The following LINGO2 variants were observed in gnomAD, a reference collection of about 807,000 sequenced individuals.
LINGO2 encodes the protein leucine-rich repeat and immunoglobulin-like domain-containing nogo receptor-interacting protein 2.
LINGO2 carries 14 observed loss-of-function variants against 30.6 expected under a neutral mutation model. That is an observed-to-expected ratio of 0.46 (90% CI 0.30 to 0.72). The LOEUF (loss-of-function observed/expected upper bound fraction) is 0.72. Among genes scored for constraint, LINGO2 ranks in the 30% least tolerant of loss-of-function variants. The pLI is 0.07. For missense variants in LINGO2, 729 were observed against 751.7 expected (o/e 0.97, Z 0.35); for synonymous variants, 317 against 288.5 (o/e 1.10, Z -1.00).
chr9:29,008,836 G>T, the LINGO2 span, among the ~76,000 whole-genome samples: 6 of 152,014 alleles, frequency 3.9e-5, no homozygotes, highest in Non-Finnish European at 8.8e-5. Flanking sequence ...TATCCACCAT[G>T]ATCAAGTTGG....
chr9:28,022,706 G>T (rs1823191576), intron 4 of LINGO2, among the ~76,000 whole-genome samples: 1 of 151,532 alleles, frequency 6.6e-6, no homozygotes, highest in Non-Finnish European at 1.5e-5. Context: ...GGTGTTTGCT[G>T]AACTTCTTGG....
the LINGO2 span, among the ~76,000 whole-genome samples, chr9:29,071,349 G>A: frequency 6.6e-6 from 1 of 150,604 alleles, no homozygotes; most frequent in East Asian, 1.9e-4. Flanking sequence ...ATAACACCAT[G>A]CCTGGCAAAA....
the LINGO2 span, among the ~76,000 whole-genome samples, chr9:29,061,645 T>C: frequency 6.6e-6 from 1 of 151,968 alleles, no homozygotes. Context: ...AAGAATAAGT[T>C]TGGACCCTTA....
intron 2 of LINGO2, among the ~76,000 whole-genome samples, chr9:28,394,375 C>G (rs1821960233): frequency 1.3e-5 from 2 of 152,068 alleles, no homozygotes; most frequent in South Asian, 2.1e-4. Context: ...TTCCATCATC[C>G]AAACAGAATC....
the LINGO2 span, among the ~76,000 whole-genome samples, chr9:28,869,387 T>G: frequency 1.3e-5 from 2 of 151,978 alleles, no homozygotes; most frequent in African/African-American, 4.8e-5. Context: ...AAGCCTGACT[T>G]CTATAGAGGG....
chr9:28,135,772 T>A (rs529417081), intron 4 of LINGO2, among the ~76,000 whole-genome samples: 1 of 152,312 alleles, frequency 6.6e-6, no homozygotes, highest in East Asian at 1.9e-4. Flanking sequence ...GAATGTATTG[T>A]CATAAAATGC....
rs58629857 is a variant in LINGO2, at chr9:28,526,055, C to CAAAAAAAAAA, written c.-364-50040_-364-50031dup. Among the ~76,000 whole-genome samples, 123 of 48,504 alleles carry CAAAAAAAAAA rather than the reference C, an allele frequency of 2.5e-3. 26 individuals carry two copies. The East Asian group carries it at 0.036, about 14-fold the overall frequency. The allele number at this position is 48,504 out of a possible 152,430, so 31.8% of individuals were successfully genotyped here. A position where few individuals can be genotyped will look rare whatever the true frequency, so the allele number is the denominator to read the frequency against. On this transcript the variant is annotated intron_variant, in intron 1 of 5. Coordinates refer to ENST00000379992, the Ensembl canonical transcript of LINGO2. ...TGGGTGACAGAGCGAGACTCCGTCT[C>CAAAAAAAAAA]AAAAAAAAAAAAAAAAAAAAAGCCA...
At position 28,598,273 on chromosome 9, in the gene LINGO2, C is replaced by A. The variant is rs533799438; in HGVS notation, c.-365+71927G>T. Among the ~76,000 whole-genome samples, 26 of 152,126 alleles carry A rather than the reference C, an allele frequency of 1.7e-4. No individual in the cohort carries two copies. In the East Asian group the frequency reaches 4.6e-3, roughly 27 times the overall value. On this transcript the variant is annotated intron_variant, in intron 1 of 5. Coordinates refer to ENST00000379992, the Ensembl canonical transcript of LINGO2. The stretch of plus-strand genomic sequence containing the variant: ...AAATGCAAGCAAAAGTTCTTATATA[C>A]ATCTTACACTCATTCATACTTTTGT...
chr9:28,582,806 A>T (rs895491403), intron 1 of LINGO2, among the ~76,000 whole-genome samples: 2 of 152,056 alleles, frequency 1.3e-5, no homozygotes, highest in African/African-American at 4.8e-5. Flanking sequence ...ATTACTTCAA[A>T]CATTTGCGAA....
At chr9:28,958,082 T>C in the LINGO2 span, among the ~76,000 whole-genome samples, 1 of 152,182 alleles carries the variant, frequency 6.6e-6, no homozygotes, top group Non-Finnish European at 1.5e-5. Flanking sequence ...TTAATGATGC[T>C]CCTTCATTGC....
intron 1 of LINGO2, among the ~76,000 whole-genome samples, chr9:28,580,287 G>A (rs559265032): frequency 6.6e-6 from 1 of 152,008 alleles, no homozygotes; most frequent in African/African-American, 2.4e-5. Flanking sequence ...TTAGCTATAA[G>A]AAAAAGCCAC....
At chr9:28,402,618 C>T (rs1291457502) in intron 2 of LINGO2, among the ~76,000 whole-genome samples, 1 of 151,782 alleles carries the variant, frequency 6.6e-6, no homozygotes, top group South Asian at 2.1e-4. Flanking sequence ...TTCTTTTCCT[C>T]TTAGGTATCT....
At chr9:28,850,217 T>C in the LINGO2 span, among the ~76,000 whole-genome samples, 2 of 151,994 alleles carry the variant, frequency 1.3e-5, no homozygotes, top group African/African-American at 2.4e-5. Flanking sequence ...GGCAGAAAAA[T>C]ATAATTTCAG....
At chr9:28,262,930 TA>T (rs2134053307) in intron 4 of LINGO2, among the ~76,000 whole-genome samples, 2 of 152,140 alleles carry the variant, frequency 1.3e-5, no homozygotes, top group Admixed American at 1.3e-4. Flanking sequence ...AGTAAGTTTG[TA>T]CTCTAAACTT....
the LINGO2 span, among the ~76,000 whole-genome samples, chr9:29,147,600 T>G: frequency 6.6e-6 from 1 of 152,220 alleles, no homozygotes; most frequent in African/African-American, 2.4e-5. Context: ...AGTCACAGTA[T>G]AGCTTGATAG....
intron 4 of LINGO2, among the ~76,000 whole-genome samples, chr9:28,101,073 G>A (rs190541091): frequency 1.3e-5 from 2 of 151,938 alleles, no homozygotes. Context: ...GGAATATGAT[G>A]TTGAAATGAT....
At chr9:28,274,246 C>A (rs1031055820) in intron 4 of LINGO2, among the ~76,000 whole-genome samples, 3 of 152,110 alleles carry the variant, frequency 2.0e-5, no homozygotes, top group Non-Finnish European at 4.4e-5. Flanking sequence ...TCTCTTTTAA[C>A]ACTATACCTT....
At chr9:28,829,924 T>C in the LINGO2 span, among the ~76,000 whole-genome samples, 1 of 152,118 alleles carries the variant, frequency 6.6e-6, no homozygotes, top group Non-Finnish European at 1.5e-5. Flanking sequence ...TAAAAGTAGT[T>C]GTATACATAC....
chr9:28,002,850 G>T (rs1405745742), intron 5 of LINGO2, among the ~76,000 whole-genome samples: 1 of 152,088 alleles, frequency 6.6e-6, no homozygotes, highest in African/African-American at 2.4e-5. Context: ...GTGCATGTTA[G>T]CTGCGTTGGT....
Sources: allele counts gnomAD v4.1 joint callset (sites outside exome capture counted in the v4.1 genomes callset), GRCh38; gene constraint gnomAD v4.1.1; transcripts MANE v1.5; gene names NCBI Gene and HGNC (gene_info 2026-07-23, HGNC 2026-07-21).